The following MTR variants were observed in gnomAD, a reference collection of about 807,000 sequenced individuals.
MTR encodes the protein methionine synthase.
MTR carries 84 observed loss-of-function variants against 154.8 expected under a neutral mutation model. That is an observed-to-expected ratio of 0.54 (90% CI 0.45 to 0.65). MTR has a LOEUF of 0.65. Ranked by LOEUF, MTR falls within the 30% of genes least tolerant of loss-of-function variation. MTR has a pLI of 0.00. For missense variants in MTR, 1,275 were observed against 1,570.2 expected (o/e 0.81, Z 3.18); for synonymous variants, 554 against 553.9 (o/e 1.00, Z 0.00).
intron 17 of MTR, 26 bp from the exon 18 acceptor site, chr1:236,852,922 C>T: frequency 6.2e-7 from 1 of 1,613,610 alleles, no homozygotes; most frequent in African/African-American, 1.3e-5. Context: ...ACTGTAAATT[C>T]TCATTTTTAT....
chr1:236,858,976 A>G (rs1664365399), intron 18 of MTR, among the ~76,000 whole-genome samples: 1 of 152,182 alleles, frequency 6.6e-6, no homozygotes, highest in Non-Finnish European at 1.5e-5. Context: ...CTTAGTCTGT[A>G]TTATGTACTC....
chr1:236,808,220 G>T (rs1661094034), intron 3 of MTR, among the ~76,000 whole-genome samples: 3 of 152,094 alleles, frequency 2.0e-5, no homozygotes, highest in Admixed American at 2.0e-4. Flanking sequence ...AAATTCTCAG[G>T]TGGTTAATAA....
At chr1:236,843,121 AC>A (rs1221231193) in intron 15 of MTR, among the ~76,000 whole-genome samples, 1 of 151,298 alleles carries the variant, frequency 6.6e-6, no homozygotes, top group Admixed American at 6.6e-5. Flanking sequence ...GTGTATATAC[AC>A]ACGTTGAATG....
chr1:236,887,843 C>A (rs1412765477), intron 27 of MTR, among the ~76,000 whole-genome samples: 2 of 152,228 alleles, frequency 1.3e-5, no homozygotes, highest in Non-Finnish European at 2.9e-5. Flanking sequence ...TTCTTAAATT[C>A]TGGGAGACGA....
At chr1:236,816,694 T>C (rs1191278929) in intron 8 of MTR, 151 bp downstream of exon 8, 1 of 741,676 alleles carries the variant, frequency 1.3e-6, no homozygotes, top group African/African-American at 1.7e-5. Context: ...TTCAGACTTT[T>C]CCCTAAAGGT....
At chr1:236,847,766 A>G (rs1318198852) in intron 15 of MTR, among the ~76,000 whole-genome samples, 1 of 152,238 alleles carries the variant, frequency 6.6e-6, no homozygotes, top group Non-Finnish European at 1.5e-5. Flanking sequence ...TATAAAAAAC[A>G]AGCAAACAGA....
At chr1:236,809,973 G>T (rs1661205370) in intron 4 of MTR, among the ~76,000 whole-genome samples, 1 of 152,190 alleles carries the variant, frequency 6.6e-6, no homozygotes, top group Non-Finnish European at 1.5e-5. Context: ...TGAAGGGCCT[G>T]CAATATGGTA....
At chr1:236,804,826 G>A (rs958267998) in intron 2 of MTR, among the ~76,000 whole-genome samples, 1 of 151,882 alleles carries the variant, frequency 6.6e-6, no homozygotes, top group Non-Finnish European at 1.5e-5. Flanking sequence ...GTGTGTATAC[G>A]TGAGTGAATA....
At chr1:236,843,950 A>T (rs1663412263) in intron 15 of MTR, among the ~76,000 whole-genome samples, 1 of 152,134 alleles carries the variant, frequency 6.6e-6, no homozygotes, top group South Asian at 2.1e-4. Flanking sequence ...TGAAGATAGG[A>T]TTCCTTTTTT....
At chr1:236,816,348 A>G (rs909621132) in intron 7 of MTR, 101 bp from the exon 8 acceptor site, 8 of 1,024,452 alleles carry the variant, frequency 7.8e-6, no homozygotes, top group Middle Eastern at 2.1e-4. Flanking sequence ...TTTTCCTTGT[A>G]AAAGAGCAAA....
At chr1:236,804,952 A>G (rs1342611035) in intron 2 of MTR, among the ~76,000 whole-genome samples, 2 of 151,820 alleles carry the variant, frequency 1.3e-5, no homozygotes, top group African/African-American at 4.8e-5. Context: ...GAATCTTTCC[A>G]TGTCAGTATT....
chr1:236,891,360 C>G, intron 29 of MTR, 31 bp downstream of exon 29: 1 of 1,599,518 alleles, frequency 6.3e-7, no homozygotes, highest in Non-Finnish European at 8.6e-7. Flanking sequence ...GCCAGCACAC[C>G]GCTTTCGCTT....
In MTR at chr1:236,799,790, TG is replaced by T. The variant is rs201603501; in HGVS notation, c.35-3637del. Reference sequence around the variant, plus strand: ...GGTTTTTATGTAATCAAATTCATTGTGTTTTTTTTTTTTAAATTAAGAGGTT... The same window carrying T: ...GGTTTTTATGTAATCAAATTCATTGTTTTTTTTTTTTTAAATTAAGAGGTT... On this transcript the variant is annotated intron_variant, in intron 1 of 32. Coordinates refer to ENST00000366577, the MANE Select transcript of MTR (RefSeq NM_000254.3). Among the ~76,000 whole-genome samples, 423 of 108,872 alleles carry T rather than the reference TG, an allele frequency of 3.9e-3. 1 individual carries two copies. Among genetic ancestry groups the T allele is most frequent in the Non-Finnish European group, 5.9e-3 (263 of 44,612 alleles). 71.4% of individuals were successfully genotyped at this position (108,872 alleles called of 152,430 possible). A position where few individuals can be genotyped will look rare whatever the true frequency, so the allele number is the denominator to read the frequency against.
chr1:236,795,891 C>T (rs562575951), intron 1 of MTR, among the ~76,000 whole-genome samples, 154 bp downstream of exon 1: 2 of 152,228 alleles, frequency 1.3e-5, no homozygotes, highest in African/African-American at 2.4e-5. Context: ...CGCAGGAGCC[C>T]GGAGGGCTAC....
chr1:236,901,718 A>T lies in MTR; in HGVS notation c.*4074A>T, dbSNP rs1666924593. On this transcript the variant is annotated 3_prime_UTR_variant, in exon 33 of 33. Coordinates refer to ENST00000366577, the MANE Select transcript of MTR (RefSeq NM_000254.3). ...CTTCTCATGTTCTCACAGTGGGTGG[A>T]GGGTAAGCTTGCTCTCTGGCCTCCT... 1 of 152,182 alleles carries T rather than the reference A, an allele frequency of 6.6e-6. No individual in the cohort carries two copies. Among genetic ancestry groups the T allele is most frequent in the Non-Finnish European group, 1.5e-5 (1 of 68,038 alleles). 9.4% of individuals were successfully genotyped at this position (152,182 alleles called of 1,614,324 possible).
chr1:236,843,075 G>A (rs1225278975), intron 15 of MTR, among the ~76,000 whole-genome samples: 1 of 138,966 alleles, frequency 7.2e-6, no homozygotes, highest in Non-Finnish European at 1.5e-5. Flanking sequence ...GACAGAGTGA[G>A]ACTCTGTCTC....
At chr1:236,821,156 C>T (rs1230725195) in intron 8 of MTR, among the ~76,000 whole-genome samples, 1 of 152,138 alleles carries the variant, frequency 6.6e-6, no homozygotes, top group African/African-American at 2.4e-5. Flanking sequence ...ATTGAGTAGC[C>T]ACATCTGGCA....
intron 29 of MTR, among the ~76,000 whole-genome samples, chr1:236,892,027 G>A (rs1666357178): frequency 6.6e-6 from 1 of 152,078 alleles, no homozygotes. Context: ...CCCCACCTTT[G>A]AAAAGGCAAA....
chr1:236,886,224 G>C, intron 26 of MTR, 68 bp from the exon 27 acceptor site: 1 of 1,304,372 alleles, frequency 7.7e-7, no homozygotes, highest in Admixed American at 1.7e-5. Context: ...GGCCTTCTTG[G>C]ACATGTTTTC....
Sources: allele counts gnomAD v4.1 joint callset (sites outside exome capture counted in the v4.1 genomes callset), GRCh38; gene constraint gnomAD v4.1.1; transcripts MANE v1.5; gene names NCBI Gene and HGNC (gene_info 2026-07-23, HGNC 2026-07-21).